PITPNA: variants seen among roughly 807,000 people sequenced by gnomAD.
PITPNA encodes the protein phosphatidylinositol transfer protein alpha isoform.
PITPNA carries 13 observed loss-of-function variants against 50.3 expected under a neutral mutation model. The ratio of observed to expected loss-of-function variants is 0.26; its 90% CI spans 0.17 to 0.41. PITPNA has a LOEUF of 0.41. PITPNA is among the 10% of genes least tolerant of loss of function. PITPNA has a pLI of 1.00. For missense variants in PITPNA, 207 were observed against 333.4 expected (o/e 0.62, Z 2.95); for synonymous variants, 120 against 119.6 (o/e 1.00, Z -0.02).
chr17:1,562,554 G>A lies in PITPNA; in HGVS notation c.7C>T (p.Leu3=). 4.4e-6 allele frequency: 6 copies of A among 1,366,972 alleles called. No individual in the cohort carries two copies. The highest frequency in any genetic ancestry group is 2.5e-5 in the Admixed American group (1 of 40,814). The allele number at this position is 1,366,972 out of a possible 1,614,324, so 84.7% of individuals were successfully genotyped here. Residue 3 remains leucine (L), a synonymous_variant, in exon 1 of 12, where the codon CTG becomes TTG. Transcript: ENST00000313486. The surrounding 1 kb of genome is among the most constrained non-coding windows in gnomAD (Gnocchi z 6.4). ...CCGGACACTCACTACTCCTTGAGCA[G>A]CACCATGTCGCTTCGCGGCTCGGTG... MV[L]LKEYRVILPV... is the part of the protein sequence containing the mutation.
At chr17:1,543,610 G>A (rs771116989) in intron 4 of PITPNA, among the ~76,000 whole-genome samples, 3 of 152,100 alleles carry the variant, frequency 2.0e-5, no homozygotes, top group Non-Finnish European at 4.4e-5. Context: ...AGACCGCCCG[G>A]TTCATTCTGT....
intron 1 of PITPNA, among the ~76,000 whole-genome samples, chr17:1,560,659 G>C (rs544418132): frequency 2.0e-5 from 3 of 152,284 alleles, no homozygotes; most frequent in African/African-American, 7.2e-5. Context: ...GGGTTCATTT[G>C]GGAACAGGAA....
chr17:1,520,622 G>A (rs1166111194), intron 11 of PITPNA, 84 bp from the exon 12 acceptor site: 1 of 151,960 alleles, frequency 6.6e-6, no homozygotes, highest in Non-Finnish European at 1.5e-5. Context: ...ATTTCAAGAG[G>A]AGGAGGGAAG....
intron 10 of PITPNA, among the ~76,000 whole-genome samples, chr17:1,523,468 A>C (rs1273179118): frequency 6.6e-6 from 1 of 150,496 alleles, no homozygotes; most frequent in African/African-American, 2.4e-5. Flanking sequence ...CAGCATCCCA[A>C]GAAGCTGGGA....
At chr17:1,534,072 T>C (rs377298878) in intron 10 of PITPNA, 27 bp downstream of exon 10, 68 of 1,612,856 alleles carry the variant, frequency 4.2e-5, no homozygotes, top group Non-Finnish European at 5.2e-5. Context: ...GTTTATCTAA[T>C]TGAGAGCCCC....
At chr17:1,552,747 A>C (rs547290684) in intron 3 of PITPNA, among the ~76,000 whole-genome samples, 19 of 152,296 alleles carry the variant, frequency 1.2e-4, no homozygotes, top group South Asian at 8.3e-4. Context: ...GATACTGTGA[A>C]TCCTACACGG....
At chr17:1,538,080 G>A (rs550850114) in intron 7 of PITPNA, among the ~76,000 whole-genome samples, 16 of 152,288 alleles carry the variant, frequency 1.1e-4, no homozygotes, top group East Asian at 1.9e-4. Context: ...AACTACAGGC[G>A]TGAGCCACCG....
intron 2 of PITPNA, 81 bp from the exon 3 acceptor site, chr17:1,553,230 A>T: frequency 1.4e-6 from 2 of 1,473,240 alleles, no homozygotes; most frequent in Non-Finnish European, 1.9e-6. Flanking sequence ...GTAAGTGTCT[A>T]ACTGGATCTC....
chr17:1,559,591 C>A (rs1422363990), intron 1 of PITPNA: 1 of 166,510 alleles, frequency 6.0e-6, no homozygotes, highest in Non-Finnish European at 1.2e-5. Flanking sequence ...TTGTGTCTTG[C>A]ATGTTTAGTG....
intron 10 of PITPNA, among the ~76,000 whole-genome samples, chr17:1,524,925 G>A (rs2075538554): frequency 6.6e-6 from 1 of 152,104 alleles, no homozygotes; most frequent in South Asian, 2.1e-4. Context: ...TGAGTATTCG[G>A]GGCCTGTGTA....
In PITPNA at chr17:1,524,245, C is replaced by T. The variant is rs541320232; in HGVS notation, c.769-2600G>A. ...GTTTTTAGTAGAGACGGGGTTTCACCATGTTAGCCAGGATGGTCTCCATGT... is the reference window on the plus strand; with the variant it reads ...GTTTTTAGTAGAGACGGGGTTTCACTATGTTAGCCAGGATGGTCTCCATGT... On this transcript the variant is annotated intron_variant, in intron 10 of 11. Coordinates refer to ENST00000313486, the MANE Select transcript of PITPNA (RefSeq NM_006224.4). 4.3e-3 allele frequency among the ~76,000 whole-genome samples: 638 copies of T among 150,048 alleles called. 1 individual carries two copies. The highest frequency in any genetic ancestry group is 0.014 in the African/African-American group (571 of 40,842).
intron 3 of PITPNA, among the ~76,000 whole-genome samples, chr17:1,551,285 TTTC>T (rs1259306526): frequency 1.3e-5 from 2 of 151,432 alleles, no homozygotes; most frequent in Non-Finnish European, 2.9e-5. Context: ...TTTTCTTTTT[TTTC>T]TTTTTTTTTT....
intron 10 of PITPNA, among the ~76,000 whole-genome samples, chr17:1,524,491 C>G (rs2075535339): frequency 6.6e-6 from 1 of 152,020 alleles, no homozygotes; most frequent in Admixed American, 6.6e-5. Context: ...CACTCCTGGA[C>G]TCGAGCAATC....
intron 9 of PITPNA, among the ~76,000 whole-genome samples, chr17:1,534,635 A>G (rs2075603856): frequency 6.6e-6 from 1 of 152,234 alleles, no homozygotes; most frequent in Non-Finnish European, 1.5e-5. Context: ...TCGGAGGATT[A>G]AAAGGCTCTA....
chr17:1,553,539 G>A (rs557660854), intron 2 of PITPNA, among the ~76,000 whole-genome samples: 1 of 152,202 alleles, frequency 6.6e-6, no homozygotes, highest in African/African-American at 2.4e-5. Flanking sequence ...ACCGTTCCCA[G>A]TCAATCCATC....
At chr17:1,559,315 T>C (rs1221484754) in intron 1 of PITPNA, among the ~76,000 whole-genome samples, 1 of 152,190 alleles carries the variant, frequency 6.6e-6, no homozygotes, top group African/African-American at 2.4e-5. Flanking sequence ...TGACCACCAA[T>C]TGCTGGAGAT....
At chr17:1,557,421 A>G (rs2075740752) in intron 2 of PITPNA, among the ~76,000 whole-genome samples, 2 of 152,240 alleles carry the variant, frequency 1.3e-5, no homozygotes, top group African/African-American at 4.8e-5. Flanking sequence ...CACTGCAGGA[A>G]AGAGAGACGG....
At chr17:1,527,799 ACTGGGT>A (rs2075556495) in intron 10 of PITPNA, among the ~76,000 whole-genome samples, 2 of 152,248 alleles carry the variant, frequency 1.3e-5, no homozygotes, top group Admixed American at 1.3e-4. Flanking sequence ...ATTGGCAAAA[ACTGGGT>A]AAAGGGTACA....
chr17:1,533,653 T>C (rs906081548), intron 10 of PITPNA, among the ~76,000 whole-genome samples: 1 of 152,174 alleles, frequency 6.6e-6, no homozygotes. Context: ...TCAACTCTGA[T>C]AGCTCAAAAT....
Sources: gnomAD v4.1 joint callset for allele counts (sites outside exome capture counted in the v4.1 genomes callset) on GRCh38, gnomAD v4.1.1 for gene constraint, Gnocchi (gnomAD v3.1) non-coding constraint, MANE v1.5 for transcripts, NCBI Gene and HGNC (gene_info 2026-07-23, HGNC 2026-07-21) for gene names.